Variants in ENDOD1 observed in about 807,000 individuals in gnomAD.
ENDOD1 encodes the protein endonuclease domain-containing 1 protein.
In ENDOD1, 9 loss-of-function variants were observed where a neutral mutation model predicts 6.5. That is an observed-to-expected ratio of 1.39 (90% CI 0.84 to 2.43). The LOEUF is 2.43. ENDOD1 is among the 30% of genes most tolerant of loss of function. The pLI is 0.00. For missense variants in ENDOD1, 648 were observed against 635.5 expected (o/e 1.02, Z -0.21); for synonymous variants, 255 against 255.2 (o/e 1.00, Z 0.01).
chr11:95,122,859 C>T (rs1859275166), intron 1 of ENDOD1, among the ~76,000 whole-genome samples: 1 of 152,160 alleles, frequency 6.6e-6, no homozygotes, highest in African/African-American at 2.4e-5. Flanking sequence ...AGCAAATGGG[C>T]ATTTTCCTCA....
chr11:95,099,681 A>C (rs782367899), intron 1 of ENDOD1, among the ~76,000 whole-genome samples: 26 of 152,232 alleles, frequency 1.7e-4, no homozygotes, highest in Non-Finnish European at 3.1e-4. Context: ...GAACGTGCCA[A>C]AATTCCTTTT....
intron 1 of ENDOD1, among the ~76,000 whole-genome samples, chr11:95,109,745 C>T (rs1555111731): frequency 1.3e-5 from 2 of 152,268 alleles, no homozygotes; most frequent in Non-Finnish European, 2.9e-5. Context: ...GCTGCTCCTT[C>T]GAGAATCCAC....
At chr11:95,093,104 T>A (rs1273106721) in intron 1 of ENDOD1, among the ~76,000 whole-genome samples, 1 of 152,196 alleles carries the variant, frequency 6.6e-6, no homozygotes, top group African/African-American at 2.4e-5. Context: ...TCACAGAAAC[T>A]TAGTCACTCT....
chr11:95,125,163 C>G (rs1418683338), intron 1 of ENDOD1, among the ~76,000 whole-genome samples: 1 of 152,136 alleles, frequency 6.6e-6, no homozygotes, highest in Non-Finnish European at 1.5e-5. Context: ...CATGCTCCCC[C>G]TATGCTCTGC....
chr11:95,101,222 T>C (rs557105719), intron 1 of ENDOD1, among the ~76,000 whole-genome samples: 64 of 152,314 alleles, frequency 4.2e-4, no homozygotes, highest in African/African-American at 1.5e-3. Flanking sequence ...AATGAATGAG[T>C]ATGGCTATGT....
chr11:95,113,052 G>A (rs1859165856), intron 1 of ENDOD1, among the ~76,000 whole-genome samples: 1 of 151,244 alleles, frequency 6.6e-6, no homozygotes, highest in Non-Finnish European at 1.5e-5. Flanking sequence ...TTTTTTGTGG[G>A]TACATAGTAG....
At chr11:95,101,151 G>T (rs1555110823) in intron 1 of ENDOD1, among the ~76,000 whole-genome samples, 1 of 152,078 alleles carries the variant, frequency 6.6e-6, no homozygotes, top group Non-Finnish European at 1.5e-5. Context: ...GGGCCATATT[G>T]TCTCTGTTGC....
intron 1 of ENDOD1, among the ~76,000 whole-genome samples, chr11:95,125,830 A>G (rs1181024943): frequency 6.6e-6 from 1 of 152,040 alleles, no homozygotes; most frequent in Non-Finnish European, 1.5e-5. Flanking sequence ...CAGTTTCTTA[A>G]TCCAGTCTAT....
intron 1 of ENDOD1, among the ~76,000 whole-genome samples, chr11:95,121,521 A>T (rs1188894553): frequency 3.3e-5 from 5 of 152,200 alleles, no homozygotes; most frequent in Admixed American, 3.3e-4. Context: ...TAGGCTTAAC[A>T]ATATTGTGGA....
intron 1 of ENDOD1, among the ~76,000 whole-genome samples, chr11:95,121,681 A>G (rs1192048111): frequency 6.6e-6 from 1 of 152,250 alleles, no homozygotes; most frequent in Non-Finnish European, 1.5e-5. Flanking sequence ...ACTGTCTGAT[A>G]TAAGGAAACA....
At position 95,128,442 on chromosome 11, in the gene ENDOD1, C is replaced by A; in HGVS notation, c.366C>A (p.Asn122Lys). 6.2e-7 allele frequency: 1 copy of A among 1,614,198 alleles called. No homozygotes were observed. Among genetic ancestry groups the A allele is most frequent in the Non-Finnish European group, 8.5e-7 (1 of 1,180,014 alleles). ...AGGCAGAGGCCATCACCTCTGTGAA[C>A]AGCCTGGGAAGCAAGCAAGCCTTGA... Reference protein sequence around the residue: ...INEAEAITSVNSLGSKQALNT... With the variant: ...INEAEAITSVKSLGSKQALNT... Residue 122 changes from asparagine (N) to lysine (K), a missense_variant, in exon 2 of 2, where the codon AAC (asparagine) becomes AAA (lysine). Coordinates refer to ENST00000278505, the MANE Select transcript of ENDOD1 (RefSeq NM_015036.3).
rs10660230 is a variant in ENDOD1 at position 95,096,227 on chromosome 11, C to CTTTTTTTTTTTTTTTTTTTTTTTTT, written c.300+6001_300+6025dup. Among the ~76,000 whole-genome samples the CTTTTTTTTTTTTTTTTTTTTTTTTT allele has an allele frequency of 6.0e-5, 3 of 49,964 alleles. 1 individual carries two copies. Among genetic ancestry groups the CTTTTTTTTTTTTTTTTTTTTTTTTT allele is most frequent in the Non-Finnish European group, 1.0e-4 (3 of 30,062 alleles). The allele number at this position is 49,964 out of a possible 152,430, so 32.8% of individuals were successfully genotyped here. On this transcript the variant is annotated intron_variant, in intron 1 of 1. Coordinates refer to ENST00000278505, the MANE Select transcript of ENDOD1 (RefSeq NM_015036.3). ...CTAGAATTACTGTTAGTCAAGAAAG[C>CTTTTTTTTTTTTTTTTTTTTTTTTT]TTTTTTTTTTTTTTTTTTTTTTTTT...
At chr11:95,101,302 C>T (rs1375628907) in intron 1 of ENDOD1, among the ~76,000 whole-genome samples, 3 of 152,128 alleles carry the variant, frequency 2.0e-5, no homozygotes, top group Non-Finnish European at 4.4e-5. Flanking sequence ...GTTTGCCAAA[C>T]CCTGGTGTAG....
At chr11:95,098,411 C>G (rs1347277188) in intron 1 of ENDOD1, among the ~76,000 whole-genome samples, 2 of 152,174 alleles carry the variant, frequency 1.3e-5, no homozygotes, top group Non-Finnish European at 2.9e-5. Context: ...ACATGTCTCC[C>G]TCCTTGGTTG....
chr11:95,111,380 G>A (rs114379503), intron 1 of ENDOD1, among the ~76,000 whole-genome samples: 2,219 of 152,084 alleles, frequency 0.015, 50 homozygotes, highest in African/African-American at 0.05. Context: ...GGATGGTTTC[G>A]GGATGATTCA....
intron 1 of ENDOD1, among the ~76,000 whole-genome samples, chr11:95,124,925 A>G (rs1405250931): frequency 6.6e-6 from 1 of 152,156 alleles, no homozygotes; most frequent in Non-Finnish European, 1.5e-5. Flanking sequence ...TTTCTGCTTA[A>G]CAACAGGACA....
At chr11:95,120,856 C>T (rs1191230824) in intron 1 of ENDOD1, among the ~76,000 whole-genome samples, 1 of 152,190 alleles carries the variant, frequency 6.6e-6, no homozygotes, top group African/African-American at 2.4e-5. Flanking sequence ...CTGGGATTGG[C>T]AGCTTTTCTC....
At chr11:95,097,316 T>C (rs1285775487) in intron 1 of ENDOD1, among the ~76,000 whole-genome samples, 1 of 151,834 alleles carries the variant, frequency 6.6e-6, no homozygotes, top group South Asian at 2.1e-4. Context: ...ATGAAAGAAG[T>C]AAGAAAGCCA....
Position 95,089,911 on chromosome 11 carries a change from C to A in ENDOD1, c.-17C>A. The A allele has an allele frequency of 7.4e-7, 1 of 1,360,036 alleles. No homozygotes were observed. The highest frequency in any genetic ancestry group is 3.7e-5 in the Admixed American group (1 of 26,678). 84.2% of individuals were successfully genotyped at this position (1,360,036 alleles called of 1,614,324 possible). A position where few individuals can be genotyped will look rare whatever the true frequency, so the allele number is the denominator to read the frequency against. On this transcript the variant is annotated 5_prime_UTR_variant, in exon 1 of 2. Coordinates refer to ENST00000278505, the MANE Select transcript of ENDOD1 (RefSeq NM_015036.3). ...GCAGCCCAGCCGCTCGGCCCCGCCGCGCTCGCAGAGGCCGCCATGGGCACC... is the reference window on the plus strand; with the variant it reads ...GCAGCCCAGCCGCTCGGCCCCGCCGAGCTCGCAGAGGCCGCCATGGGCACC...
Sources: gnomAD v4.1 joint callset for allele counts (sites outside exome capture counted in the v4.1 genomes callset) on GRCh38, gnomAD v4.1.1 for gene constraint, MANE v1.5 for transcripts, NCBI Gene and HGNC (gene_info 2026-07-23, HGNC 2026-07-21) for gene names.